The following ARFGEF3 variants were observed in gnomAD, a reference collection of about 807,000 sequenced individuals.
ARFGEF3 encodes ARFGEF family member 3.
A neutral mutation model predicts 221.7 loss-of-function variants in ARFGEF3; 96 were observed. That is an observed-to-expected ratio of 0.43 (90% CI 0.37 to 0.51). ARFGEF3 has a LOEUF of 0.51. Ranked by LOEUF, ARFGEF3 falls within the 20% of genes least tolerant of loss-of-function variation. The pLI is 0.00. For missense variants in ARFGEF3, 2,410 were observed against 2,789.9 expected, an observed-to-expected ratio of 0.86 and a Z score of 3.07; for synonymous variants, 1,145 against 1,126.8, an observed-to-expected ratio of 1.02 and a Z score of -0.32.
intron 29 of ARFGEF3, among the ~76,000 whole-genome samples, chr6:138,322,198 T>G (rs1780044035): frequency 1.3e-5 from 2 of 152,212 alleles, no homozygotes; most frequent in South Asian, 4.1e-4. Flanking sequence ...CCTGCCTGAC[T>G]GTTTGAGCTG....
In ARFGEF3 at chr6:138,333,800, T is replaced by TCA. The variant is rs533843394; in HGVS notation, c.5124-165_5124-164dup. Among the ~76,000 whole-genome samples the TCA allele has an allele frequency of 1.1e-3, 165 of 152,328 alleles. 2 individuals are homozygous for TCA. Among genetic ancestry groups the TCA allele is most frequent in the Admixed American group, 3.6e-3 (55 of 15,298 alleles). The stretch of plus-strand genomic sequence containing the variant: ...CCACTAGTTGTGATTAAAATGGTTA[T>TCA]CACACAGTGCCCAAAAAGTATGCCT... On this transcript the variant is annotated intron_variant, in intron 32 of 33. Transcript: ENST00000251691.
chr6:138,294,386 G>C (rs1202309110), intron 20 of ARFGEF3, among the ~76,000 whole-genome samples: 1 of 152,230 alleles, frequency 6.6e-6, no homozygotes, highest in Admixed American at 6.5e-5. Flanking sequence ...GTTCTGCTAA[G>C]TTTTGTGCTT....
chr6:138,178,721 A>G (rs1436687957), intron 2 of ARFGEF3, among the ~76,000 whole-genome samples: 1 of 152,196 alleles, frequency 6.6e-6, no homozygotes. Flanking sequence ...CATGTCCCAG[A>G]AAGCCACTGC....
intron 4 of ARFGEF3, chr6:138,218,360 ATCC>A: frequency 6.5e-7 from 1 of 1,547,522 alleles, no homozygotes; most frequent in Non-Finnish European, 8.7e-7. Flanking sequence ...TATTGTGCAT[ATCC>A]TCATATTTCT....
At chr6:138,244,339 C>A (rs182814050) in intron 7 of ARFGEF3, among the ~76,000 whole-genome samples, 1 of 152,220 alleles carries the variant, frequency 6.6e-6, no homozygotes, top group Non-Finnish European at 1.5e-5. Context: ...TTTATACATT[C>A]ATCAGATACT....
At chr6:138,327,365 C>G (rs1780144767) in intron 31 of ARFGEF3, among the ~76,000 whole-genome samples, 3 of 152,178 alleles carry the variant, frequency 2.0e-5, no homozygotes, top group Admixed American at 6.5e-5. Context: ...GGGAGGATCA[C>G]TCGAGCCTGG....
rs182125817 is a variant in ARFGEF3 at position 138,268,574 on chromosome 6, G to A, written c.2128+4963G>A. ...ATGGTAGGGGAGTTTGAAAATGTTC[G>A]GGCAAATAAAGTACGTTTTTTATAA... On this transcript the variant is annotated intron_variant, in intron 12 of 33. Coordinates refer to ENST00000251691, the MANE Select transcript of ARFGEF3 (RefSeq NM_020340.5). 5.9e-5 allele frequency among the ~76,000 whole-genome samples: 9 copies of A among 152,222 alleles called. No individual in the cohort carries two copies. The East Asian group carries it at 9.7e-4, about 16-fold the overall frequency.
intron 1 of ARFGEF3, among the ~76,000 whole-genome samples, chr6:138,169,531 C>G (rs187034199): frequency 1.3e-4 from 20 of 152,204 alleles, no homozygotes; most frequent in African/African-American, 4.3e-4. Context: ...GGAGCAGCAT[C>G]GGCTCATCCT....
chr6:138,279,420 C>T (rs1437967902), intron 13 of ARFGEF3, among the ~76,000 whole-genome samples: 2 of 152,214 alleles, frequency 1.3e-5, no homozygotes, highest in African/African-American at 4.8e-5. Flanking sequence ...TAAGCACTTC[C>T]TGTAAGGGAT....
intron 13 of ARFGEF3, among the ~76,000 whole-genome samples, chr6:138,279,179 T>C (rs1779152494): frequency 6.6e-6 from 1 of 151,908 alleles, no homozygotes; most frequent in Admixed American, 6.6e-5. Flanking sequence ...CAAGCCTGGC[T>C]AATTTTTTAA....
chr6:138,167,108 A>C (rs754374429), intron 1 of ARFGEF3, among the ~76,000 whole-genome samples: 2 of 152,208 alleles, frequency 1.3e-5, no homozygotes, highest in Non-Finnish European at 2.9e-5. Flanking sequence ...GACACTGGAC[A>C]CAACTGGGCA....
chr6:138,311,532 G>A (rs1412076667), intron 25 of ARFGEF3, 22 bp downstream of exon 25: 4 of 1,538,382 alleles, frequency 2.6e-6, no homozygotes, highest in Non-Finnish European at 3.5e-6. Context: ...GTCCAGCTGG[G>A]CTCCCGGCCT....
intron 4 of ARFGEF3, among the ~76,000 whole-genome samples, chr6:138,213,941 G>A (rs983777765): frequency 6.6e-6 from 1 of 152,094 alleles, no homozygotes; most frequent in African/African-American, 2.4e-5. Context: ...ACAAGTGAGG[G>A]CTCCATAATC....
intron 10 of ARFGEF3, among the ~76,000 whole-genome samples, chr6:138,256,530 G>C (rs1778685129): frequency 6.6e-6 from 1 of 151,628 alleles, no homozygotes; most frequent in Non-Finnish European, 1.5e-5. Flanking sequence ...AATCATTGCT[G>C]CCAACCAATA....
At position 138,340,209 on chromosome 6, in the gene ARFGEF3, G is replaced by A. The variant is rs1165968345; in HGVS notation, c.*3723G>A. The A allele has an allele frequency of 6.6e-6, 1 of 152,246 alleles. No individual in the cohort carries two copies. The highest frequency in any genetic ancestry group is 2.4e-5 in the African/African-American group (1 of 41,462). The allele number at this position is 152,246 out of a possible 1,614,324, so 9.4% of individuals were successfully genotyped here. ...TGTTCTGCAGCATGGGTGACAAAGT[G>A]AGACTTCGTCTCAAGTAAATAAAAC... On this transcript the variant is annotated 3_prime_UTR_variant, in exon 34 of 34. Transcript: ENST00000251691.
chr6:138,203,225 T>C (rs1264194204), intron 2 of ARFGEF3, among the ~76,000 whole-genome samples: 2 of 152,182 alleles, frequency 1.3e-5, no homozygotes, highest in East Asian at 3.8e-4. Flanking sequence ...AGTTTTGCTC[T>C]GATCTTATGA....
intron 4 of ARFGEF3, among the ~76,000 whole-genome samples, chr6:138,214,802 T>C (rs1346027819): frequency 1.3e-5 from 2 of 152,172 alleles, no homozygotes; most frequent in African/African-American, 2.4e-5. Flanking sequence ...AAAAAATCAG[T>C]GAAGCCTGCT....
chr6:138,260,251 G>C (rs531327049), intron 10 of ARFGEF3, among the ~76,000 whole-genome samples: 18 of 152,290 alleles, frequency 1.2e-4, no homozygotes, highest in African/African-American at 4.3e-4. Flanking sequence ...AATTTCTGTG[G>C]TATGAAAGAA....
Position 138,289,945 on chromosome 6 carries a change from G to A in ARFGEF3, c.3024G>A (p.Pro1008=), listed in dbSNP as rs779958395. 184 of 1,613,356 alleles carry A rather than the reference G, an allele frequency of 1.1e-4. No individual in the cohort carries two copies. Among genetic ancestry groups the A allele is most frequent in the Middle Eastern group, 1.7e-4 (1 of 5,984 alleles). The change falls in exon 18 of 34, where the codon CCG becomes CCA. Residue 1008 remains proline, a synonymous_variant. Transcript: ENST00000251691. The part of the protein sequence containing the change: ...SVGLEMGSHN[P]DCWPHVFRVC... Reference sequence around the variant, plus strand: ...GCCTGGAGATGGGAAGCCACAACCCGGACTGCTGGCCACACGTGTTCAGGT... The same window carrying A: ...GCCTGGAGATGGGAAGCCACAACCCAGACTGCTGGCCACACGTGTTCAGGT...
Sources: allele counts gnomAD v4.1 joint callset (sites outside exome capture counted in the v4.1 genomes callset), GRCh38; gene constraint gnomAD v4.1.1; transcripts MANE v1.5; gene names NCBI Gene and HGNC (gene_info 2026-07-23, HGNC 2026-07-21).